The following MUC4 variants were observed in gnomAD, a reference collection of about 807,000 sequenced individuals.
The protein encoded by MUC4 is mucin 4, cell surface associated, also known as mucin-4.
A neutral mutation model predicts 257.9 loss-of-function variants in MUC4; 202 were observed. The observed-to-expected ratio is 0.78, with a 90% CI of 0.70 to 0.88. MUC4 has a LOEUF of 0.88. Among genes scored for constraint, MUC4 ranks in the 40% least tolerant of loss-of-function variants. The pLI is 0.00. For missense variants in MUC4, 5,976 were observed against 6,513.7 expected (o/e 0.92, Z 2.84); for synonymous variants, 2,351 against 2,757.1 (o/e 0.85, Z 4.62).
chr3:195,765,119 C>G lies in MUC4; in HGVS notation c.13802G>C (p.Arg4601Pro). The stretch of plus-strand genomic sequence containing the variant: ...CAGCTGCCTACTGCCGAGGCCCCAG[C>G]GACCTGAAACAAGTCCAGTCCCACT... Reference protein sequence around the residue: ...DLRFQPVSIGRWGLGSRQLCS... With the variant: ...DLRFQPVSIGPWGLGSRQLCS... The change falls in exon 10 of 25, where the codon CGC (arginine) becomes CCC (proline). Residue 4601 changes from arginine (R) to proline (P), a missense_variant. Transcript: ENST00000463781. 6.2e-7 allele frequency: 1 copy of G among 1,611,804 alleles called. No homozygotes were observed. The highest frequency in any genetic ancestry group is 8.5e-7 in the Non-Finnish European group (1 of 1,178,852).
chr3:195,758,573 C>CTTTTTTTTTTTT (rs55860315), intron 17 of MUC4, among the ~76,000 whole-genome samples: 12,955 of 126,062 alleles, frequency 0.1, 1,236 homozygotes, highest in Middle Eastern at 0.19. Context: ...ATCTTCAAAT[C>CTTTTTTTTTTTT]TTTTTTTTGA....
At chr3:195,767,302 A>G (rs1560259538) in intron 7 of MUC4, among the ~76,000 whole-genome samples, 2 of 151,548 alleles carry the variant, frequency 1.3e-5, no homozygotes, top group East Asian at 3.9e-4. Flanking sequence ...ATGCAGTAAC[A>G]TCTGCAAATC....
rs747758228 is a variant in MUC4, at chr3:195,754,318, C to T, written c.15223G>A (p.Glu5075Lys). 2.5e-5 allele frequency: 40 copies of T among 1,613,004 alleles called. No homozygotes were observed. The highest frequency in any genetic ancestry group is 2.0e-4 in the East Asian group (9 of 44,874). The change falls in exon 19 of 25, where the codon GAG (glutamate) becomes AAG (lysine). Residue 5075 changes from glutamate (E) to lysine (K), a missense_variant. Physicochemically the swap from Glu to Lys is moderately conservative, Grantham distance 56. Transcript: ENST00000463781. The stretch of plus-strand genomic sequence containing the variant: ...AAGCACGGCTCCTCACAGGCATCCT[C>T]GGAGCCCTCGCAGTAGCGGCCGAAG... ...GTFGRYCEGS[E>K]DACEEPCFPS...
chr3:195,761,634 C>A, intron 14 of MUC4, 49 bp from the exon 15 acceptor site: 2 of 1,435,154 alleles, frequency 1.4e-6, no homozygotes, highest in South Asian at 2.3e-5. Context: ...CGGCTGTCCC[C>A]TTCCTGGGGA....
At position 195,788,709 on chromosome 3, in the gene MUC4, C is replaced by G; in HGVS notation, c.2871G>C (p.Leu957=). 2 of 1,611,802 alleles carry G rather than the reference C, an allele frequency of 1.2e-6. No individual in the cohort carries two copies. Among genetic ancestry groups the G allele is most frequent in the Non-Finnish European group, 1.7e-6 (2 of 1,179,758 alleles). ...LTSPQTETHT[L]SPSGSGKTFT... ...AGGTTTTACCAGACCCTGAAGGTGA[C>G]AGAGTGTGGGTCTCGGTTTGTGGAG... The change falls in exon 2 of 25, where the codon CTG becomes CTC. Residue 957 remains leucine, a synonymous_variant. Coordinates refer to ENST00000463781, the MANE Select transcript of MUC4 (RefSeq NM_018406.7).
At chr3:195,801,815 C>G (rs541186478) in intron 1 of MUC4, among the ~76,000 whole-genome samples, 1 of 152,222 alleles carries the variant, frequency 6.6e-6, no homozygotes, top group East Asian at 1.9e-4. Flanking sequence ...ATTGCGCCCC[C>G]CCCTCCACGT....
rs1190735056 is a variant in MUC4, at chr3:195,750,969, A to G, written c.15791T>C (p.Val5264Ala). 6.2e-7 allele frequency: 1 copy of G among 1,614,034 alleles called. No homozygotes were observed. The part of the protein sequence containing the change: ...AAVVEAFLYH[V>A]PRRSEEPRND... Reference sequence around the variant, plus strand: ...CCTGGGCTCCTCACTCCTCCGTGGAACGTGGTATAAGAACGCCTCCACCAC... The same window carrying G: ...CCTGGGCTCCTCACTCCTCCGTGGAGCGTGGTATAAGAACGCCTCCACCAC... Residue 5264 changes from valine to alanine, a missense_variant, in exon 23 of 25, where the codon GTT (valine) becomes GCT (alanine). Val to Ala is a moderately conservative substitution (Grantham distance 64). This residue lies in a region of MUC4 where 310 missense variants were observed against 242.1 expected (regional missense o/e 1.28). Transcript: ENST00000463781.
intron 18 of MUC4, among the ~76,000 whole-genome samples, chr3:195,754,952 G>GTGTATCCATGTA (rs1717360151): frequency 3.1e-5 from 4 of 129,282 alleles, no homozygotes; most frequent in African/African-American, 8.1e-5. Flanking sequence ...ATCCATATGT[G>GTGTATCCATGTA]TGTATCCATG....
intron 16 of MUC4, among the ~76,000 whole-genome samples, chr3:195,759,787 C>T (rs1577981907): frequency 6.6e-6 from 1 of 151,982 alleles, no homozygotes; most frequent in South Asian, 2.1e-4. Context: ...GGCATGGTGG[C>T]GGGTGCCTGT....
chr3:195,756,699 G>T, intron 18 of MUC4, among the ~76,000 whole-genome samples: 1 of 142,982 alleles, frequency 7.0e-6, no homozygotes, highest in African/African-American at 2.6e-5. Context: ...GTCTCACTCT[G>T]TTGCCCAGGC....
chr3:195,762,216 G>A lies in MUC4; in HGVS notation c.14383C>T (p.Arg4795Cys), dbSNP rs145638313. ...CTGGCCGAGACCTCAGAGCCGTTGC[G>A]GCTCAGGAGGACTCCGGTGGCGTTG... ...TFNATGVLLS[R>C]NGSEVSASFD... Residue 4795 changes from arginine to cysteine, a missense_variant, in exon 14 of 25, where the codon CGC (arginine) becomes TGC (cysteine). By Grantham distance (180) the Arg-to-Cys change is radical (BLOSUM62 -3). Coordinates refer to ENST00000463781, the MANE Select transcript of MUC4 (RefSeq NM_018406.7). 4.2e-5 allele frequency: 67 copies of A among 1,594,850 alleles called. No individual in the cohort carries two copies. The African/African-American group carries it at 7.1e-4, about 17-fold the overall frequency.
intron 1 of MUC4, among the ~76,000 whole-genome samples, chr3:195,793,769 T>C (rs1302813977): frequency 6.6e-6 from 1 of 152,234 alleles, no homozygotes; most frequent in Non-Finnish European, 1.5e-5. Flanking sequence ...CTCTCTCAAC[T>C]TGAATTATAG....
intron 18 of MUC4, among the ~76,000 whole-genome samples, chr3:195,756,865 G>A (rs1209239832): frequency 6.6e-6 from 1 of 152,098 alleles, no homozygotes; most frequent in Non-Finnish European, 1.5e-5. Flanking sequence ...GTTTCACCAT[G>A]TTGGTCAGGA....
chr3:195,801,848 G>A (rs1027909703), intron 1 of MUC4, among the ~76,000 whole-genome samples: 4 of 151,398 alleles, frequency 2.6e-5, no homozygotes, highest in East Asian at 2.0e-4. Context: ...CGGCGGCCCC[G>A]TGCCACCACC....
At position 195,770,202 on chromosome 3, in the gene MUC4, A is replaced by G. The variant is rs372109780; in HGVS notation, c.13398+14T>C. On this transcript the variant is annotated intron_variant, in intron 6 of 24. Transcript: ENST00000463781. ...CCCAGATAGCTCCTGGGAGCTGCCC[A>G]GGGGTCTACTCACCCCGAGGGTCCA... 269 of 1,582,646 alleles carry G rather than the reference A, an allele frequency of 1.7e-4. 1 individual carries two copies. In the African/African-American group the frequency reaches 3.0e-3, roughly 18 times the overall value.
intron 1 of MUC4, among the ~76,000 whole-genome samples, chr3:195,798,456 C>A (rs377313434): frequency 7.2e-5 from 11 of 152,280 alleles, no homozygotes; most frequent in African/African-American, 2.6e-4. Flanking sequence ...GTAATCCCAG[C>A]GCTTTGTGAG....
chr3:195,789,144 G>A lies in MUC4; in HGVS notation c.2436C>T (p.Gly812=), dbSNP rs754394560. 2 of 1,613,664 alleles carry A rather than the reference G, an allele frequency of 1.2e-6. No individual in the cohort carries two copies. The highest frequency in any genetic ancestry group is 2.2e-5 in the East Asian group (1 of 44,886). ...TATPSSSGAS[G]TTPSGSEGIS... is the part of the protein sequence containing the mutation. The stretch of plus-strand genomic sequence containing the variant: ...TTCCTTCGCTTCCTGAAGGTGTTGT[G>A]CCACTCGCCCCGGATGAGGAAGGGG... The change falls in exon 2 of 25, where the codon GGC becomes GGT. Residue 812 remains glycine, a synonymous_variant. Coordinates refer to ENST00000463781, the MANE Select transcript of MUC4 (RefSeq NM_018406.7).
At position 195,789,957 on chromosome 3, in the gene MUC4, T is replaced by G. The variant is rs768687106; in HGVS notation, c.1623A>C (p.Glu541Asp). ...AGGAGTATGTGGTGGGCTCTCCTGG[T>G]TCCCCTATTGCTGAGACCTTAGAGG... ...RVPSKVSAIGEPGEPTTYSSH... is the reference protein window; with the variant it reads ...RVPSKVSAIGDPGEPTTYSSH... Residue 541 changes from glutamate (E) to aspartate (D), a missense_variant, in exon 2 of 25, where the codon GAA becomes GAC. Around this residue, in one of 44 missense-constraint regions of MUC4, gnomAD observed 1,583 missense variants for 1,257.4 expected, o/e 1.26. Coordinates refer to ENST00000463781, the MANE Select transcript of MUC4 (RefSeq NM_018406.7). 6.2e-7 allele frequency: 1 copy of G among 1,613,980 alleles called. No homozygotes were observed. The highest frequency in any genetic ancestry group is 1.1e-5 in the South Asian group (1 of 91,078).
At chr3:195,761,250 C>G in intron 15 of MUC4, 133 bp from the exon 16 acceptor site, 1 of 844,824 alleles carries the variant, frequency 1.2e-6, no homozygotes, top group Non-Finnish European at 1.9e-6. Flanking sequence ...TTTCCAGCTT[C>G]TGAGTCTAGA....
Sources: gnomAD v4.1 joint callset for allele counts (sites outside exome capture counted in the v4.1 genomes callset) on GRCh38, gnomAD v4.1.1 for gene constraint, gnomAD v4.1.1 regional missense constraint, MANE v1.5 for transcripts, NCBI Gene and HGNC (gene_info 2026-07-23, HGNC 2026-07-21) for gene names.